Variants in RANBP10 observed in about 807,000 individuals in gnomAD.
RANBP10 encodes the protein RAN binding protein 10.
In RANBP10, 24 loss-of-function variants were observed where a neutral mutation model predicts 72.8. The ratio of observed to expected loss-of-function variants is 0.33; its 90% CI spans 0.24 to 0.46. The LOEUF (loss-of-function observed/expected upper bound fraction) is 0.46. RANBP10 is among the 20% of genes least tolerant of loss of function. RANBP10 has a pLI of 1.00. For synonymous variants in RANBP10, 310 were observed against 322.3 expected, an observed-to-expected ratio of 0.96 and a Z score of 0.41; for missense variants, 679 against 817.5, an observed-to-expected ratio of 0.83 and a Z score of 2.07.
In RANBP10 at chr16:67,776,618, C is replaced by T. The variant is rs11860609; in HGVS notation, c.348-4532G>A. 6.7e-3 allele frequency among the ~76,000 whole-genome samples: 982 copies of T among 145,910 alleles called. 12 individuals carry two copies. The highest frequency in any genetic ancestry group is 0.023 in the African/African-American group (889 of 39,406). On this transcript the variant is annotated intron_variant, in intron 2 of 13. Transcript: ENST00000317506. Reference sequence around the variant, plus strand: ...TGAAACCCTGTCTCTGTTAAAAATACAAAAATTAGCCGGGCGTGGTGGTGG... The same window carrying T: ...TGAAACCCTGTCTCTGTTAAAAATATAAAAATTAGCCGGGCGTGGTGGTGG...
Position 67,731,512 on chromosome 16 carries a change from G to A in RANBP10, c.849C>T (p.Thr283=). ...TATAFARMTE[T]PIQEEQASIK... ...TGGACGCCTGTTCTTCCTGAATCGG[G>A]GTTTCAGTCATTCGAGCAAAAGCCG... The change falls in exon 7 of 14, where the codon ACC becomes ACT. Residue 283 remains threonine (T), a synonymous_variant. Coordinates refer to ENST00000317506, the MANE Select transcript of RANBP10 (RefSeq NM_020850.3). The A allele has an allele frequency of 6.2e-7, 1 of 1,614,096 alleles. No individual in the cohort carries two copies.
rs780416268 is a variant in RANBP10, at chr16:67,727,802, C to T, written c.1569G>A (p.Glu523=). 4.3e-6 allele frequency: 7 copies of T among 1,614,116 alleles called. No homozygotes were observed. The highest frequency in any genetic ancestry group is 1.1e-5 in the South Asian group (1 of 91,092). Residue 523 remains glutamate, a synonymous_variant, in exon 12 of 14, where the codon GAG becomes GAA. Coordinates refer to ENST00000317506, the MANE Select transcript of RANBP10 (RefSeq NM_020850.3). ...LFGRELQALS[E]QLGREYGKNL... Reference sequence around the variant, plus strand: ...TCTTGCCGTACTCCCGGCCCAACTGCTCACTCAATGCCTGCAACTCGCGGC... The same window carrying T: ...TCTTGCCGTACTCCCGGCCCAACTGTTCACTCAATGCCTGCAACTCGCGGC...
chr16:67,729,517 G>A lies in RANBP10; in HGVS notation c.1148-33C>T. 6.3e-7 allele frequency: 1 copy of A among 1,594,116 alleles called. No homozygotes were observed. Among genetic ancestry groups the A allele is most frequent in the South Asian group, 1.1e-5 (1 of 89,402 alleles). On this transcript the variant is annotated intron_variant, in intron 9 of 13. Coordinates refer to ENST00000317506, the MANE Select transcript of RANBP10 (RefSeq NM_020850.3). The surrounding 1 kb of genome is among the most constrained non-coding windows in gnomAD (Gnocchi z 7.1). ...CCAGGGTGACAGTCAGAAGAGGAGG[G>A]GCAGCTTCCCATGAAATGAAGCCCC...
chr16:67,797,989 CAAAAAAAAAAA>C (rs56801646), intron 2 of RANBP10, among the ~76,000 whole-genome samples: 2 of 43,872 alleles, frequency 4.6e-5, no homozygotes, highest in East Asian at 6.7e-4. Context: ...GACCCTCTCT[CAAAAAAAAAAA>C]AAAAAAAAAA....
chr16:67,770,371 A>G (rs2054586691), intron 3 of RANBP10, among the ~76,000 whole-genome samples: 1 of 152,000 alleles, frequency 6.6e-6, no homozygotes, highest in African/African-American at 2.4e-5. Flanking sequence ...GGGGGAAAAA[A>G]GTAAGATTCC....
At position 67,734,881 on chromosome 16, in the gene RANBP10, G is replaced by A. The variant is rs1219111386; in HGVS notation, c.753C>T (p.Gly251=). Residue 251 remains glycine (G), a synonymous_variant, in exon 6 of 14, where the codon GGC becomes GGT. Coordinates refer to ENST00000317506, the MANE Select transcript of RANBP10 (RefSeq NM_020850.3). The part of the protein sequence containing the change: ...VHCFPISARL[G]EWQAVLQNMV... ...ACTTCTGCAGCACTGCCTGCCACTCGCCAAGCCGGGCACTGATGGGGAAGC... is the reference window on the plus strand; with the variant it reads ...ACTTCTGCAGCACTGCCTGCCACTCACCAAGCCGGGCACTGATGGGGAAGC... 1.9e-6 allele frequency: 3 copies of A among 1,604,774 alleles called. No individual in the cohort carries two copies. The highest frequency in any genetic ancestry group is 2.2e-5 in the East Asian group (1 of 44,670).
intron 2 of RANBP10, among the ~76,000 whole-genome samples, chr16:67,797,401 G>T (rs1484064581): frequency 1.3e-5 from 2 of 152,272 alleles, no homozygotes; most frequent in Non-Finnish European, 2.9e-5. Flanking sequence ...AGGTGTGGTG[G>T]CTCATGCCTG....
chr16:67,796,059 G>C (rs1177139095), intron 2 of RANBP10, among the ~76,000 whole-genome samples: 1 of 151,396 alleles, frequency 6.6e-6, no homozygotes, highest in African/African-American at 2.4e-5. Context: ...TGGGATTACA[G>C]GCGCCTGCCA....
chr16:67,736,405 C>G (rs1313829123), intron 5 of RANBP10, among the ~76,000 whole-genome samples: 1 of 152,198 alleles, frequency 6.6e-6, no homozygotes, highest in Non-Finnish European at 1.5e-5. Context: ...AGGTGATCTG[C>G]CCACCTCAGC....
chr16:67,737,107 GC>G (rs1297960209), intron 5 of RANBP10, among the ~76,000 whole-genome samples: 1 of 146,186 alleles, frequency 6.8e-6, no homozygotes, highest in Non-Finnish European at 1.5e-5. Flanking sequence ...GTGAGGATAT[GC>G]CCTGAACTAA....
intron 3 of RANBP10, among the ~76,000 whole-genome samples, chr16:67,753,253 C>T (rs955171384): frequency 6.6e-6 from 1 of 151,686 alleles, no homozygotes; most frequent in East Asian, 1.9e-4. Flanking sequence ...TGCCTGCAAT[C>T]CCAGCACTTC....
chr16:67,742,107 C>T (rs1037348861), intron 4 of RANBP10, among the ~76,000 whole-genome samples: 7 of 150,428 alleles, frequency 4.7e-5, no homozygotes, highest in South Asian at 2.1e-4. Flanking sequence ...GACGGGGTCT[C>T]GCCACTTGCC....
At chr16:67,767,405 C>CGT (rs1567698016) in intron 3 of RANBP10, among the ~76,000 whole-genome samples, 1 of 144,250 alleles carries the variant, frequency 6.9e-6, no homozygotes. Flanking sequence ...TGCAGTGAGC[C>CGT]GTGACCACTC....
chr16:67,792,710 G>C (rs1259795826), intron 2 of RANBP10, among the ~76,000 whole-genome samples: 2 of 151,322 alleles, frequency 1.3e-5, no homozygotes, highest in Admixed American at 1.3e-4. Context: ...TTAAAACTGA[G>C]AGTCAGAGGT....
At chr16:67,777,212 C>A (rs1350477886) in intron 2 of RANBP10, among the ~76,000 whole-genome samples, 6 of 146,764 alleles carry the variant, frequency 4.1e-5, no homozygotes, top group African/African-American at 1.5e-4. Flanking sequence ...CTCCGTCCCC[C>A]ACCCAAAAAA....
At chr16:67,728,730 A>AG in intron 10 of RANBP10, 1 of 802,886 alleles carries the variant, frequency 1.2e-6, no homozygotes, top group East Asian at 2.7e-5. Flanking sequence ...CCCTTGCCCC[A>AG]GTGCTGCCTC....
At chr16:67,795,149 C>T (rs1039452801) in intron 2 of RANBP10, among the ~76,000 whole-genome samples, 10 of 151,646 alleles carry the variant, frequency 6.6e-5, no homozygotes, top group Admixed American at 1.3e-4. Flanking sequence ...ACTCAGGAGG[C>T]TGAGGTGGGA....
At chr16:67,732,606 CATA>C (rs2053755645) in intron 6 of RANBP10, among the ~76,000 whole-genome samples, 1 of 152,058 alleles carries the variant, frequency 6.6e-6, no homozygotes, top group Admixed American at 6.6e-5. Context: ...TGATATATTA[CATA>C]ATATTATAGT....
intron 13 of RANBP10, 75 bp downstream of exon 13, chr16:67,727,252 T>C (rs2053619723): frequency 3.6e-6 from 5 of 1,389,288 alleles, no homozygotes; most frequent in African/African-American, 1.5e-5. Flanking sequence ...TGAGCCAAGA[T>C]TGTGCCACTG....
Sources: gnomAD v4.1 joint callset for allele counts (sites outside exome capture counted in the v4.1 genomes callset) on GRCh38, gnomAD v4.1.1 for gene constraint, Gnocchi (gnomAD v3.1) non-coding constraint, MANE v1.5 for transcripts, NCBI Gene and HGNC (gene_info 2026-07-23, HGNC 2026-07-21) for gene names.